The following PTCHD4 variants were observed in gnomAD, a reference collection of about 807,000 sequenced individuals.
The protein encoded by PTCHD4 is patched domain-containing protein 4.
In PTCHD4, 33 loss-of-function variants were observed where a neutral mutation model predicts 58.1. The observed-to-expected ratio is 0.57, with a 90% CI of 0.43 to 0.76. PTCHD4 has a LOEUF of 0.76. Ranked by LOEUF, PTCHD4 falls within the 30% of genes least tolerant of loss-of-function variation. The pLI is 0.00. For synonymous variants in PTCHD4, 478 were observed against 409.6 expected (o/e 1.17, Z -2.02); for missense variants, 1,058 against 1,027.1 (o/e 1.03, Z -0.41).
At chr6:47,925,379 A>T (rs958487252) in intron 4 of PTCHD4, among the ~76,000 whole-genome samples, 4 of 152,190 alleles carry the variant, frequency 2.6e-5, no homozygotes, top group Non-Finnish European at 5.9e-5. Flanking sequence ...GTTTATGAAT[A>T]TATGGCATTT....
intron 4 of PTCHD4, among the ~76,000 whole-genome samples, chr6:47,914,755 TC>T (rs1194529770): frequency 7.4e-4 from 109 of 147,446 alleles, no homozygotes; most frequent in African/African-American, 2.8e-3. Context: ...TATCTATCTA[TC>T]TATCTATCTA....
At chr6:47,961,591 G>T (rs918383336) in intron 4 of PTCHD4, among the ~76,000 whole-genome samples, 2 of 152,002 alleles carry the variant, frequency 1.3e-5, no homozygotes, top group Admixed American at 1.3e-4. Context: ...ACCTTGCCTG[G>T]CTAACAAAGT....
At chr6:47,931,365 T>G (rs1225031232) in intron 4 of PTCHD4, among the ~76,000 whole-genome samples, 2 of 152,214 alleles carry the variant, frequency 1.3e-5, no homozygotes, top group Non-Finnish European at 2.9e-5. Flanking sequence ...ACTTGGCACT[T>G]TTTTTGGGAC....
At position 47,867,465 on chromosome 6, in the gene PTCHD4, A is replaced by G. The variant is rs939903538; in HGVS notation, c.*10838T>C. Among the ~76,000 whole-genome samples the G allele has an allele frequency of 6.6e-6, 1 of 151,828 alleles. No individual in the cohort carries two copies. Among genetic ancestry groups the G allele is most frequent in the Non-Finnish European group, 1.5e-5 (1 of 67,846 alleles). On this transcript the variant is annotated 3_prime_UTR_variant, in exon 5 of 5. Transcript: ENST00000339488. ...ATTCACTGCATTTAAGCCCAAGGATACATCATAAAAAGAGCTTTTTCTTTA... is the reference window on the plus strand; with the variant it reads ...ATTCACTGCATTTAAGCCCAAGGATGCATCATAAAAAGAGCTTTTTCTTTA...
intron 4 of PTCHD4, among the ~76,000 whole-genome samples, chr6:48,001,202 A>G (rs1161095279): frequency 6.6e-6 from 1 of 152,228 alleles, no homozygotes; most frequent in Non-Finnish European, 1.5e-5. Flanking sequence ...TATAGATTCA[A>G]TGCCATCCCC....
At chr6:48,086,761 G>C (rs1310651250) in intron 1 of PTCHD4, among the ~76,000 whole-genome samples, 3 of 152,124 alleles carry the variant, frequency 2.0e-5, no homozygotes, top group African/African-American at 7.2e-5. Flanking sequence ...AAGTGAGTAT[G>C]TGTATCAAGG....
At chr6:48,029,306 A>T (rs745508581) in intron 3 of PTCHD4, among the ~76,000 whole-genome samples, 8 of 152,022 alleles carry the variant, frequency 5.3e-5, no homozygotes, top group Non-Finnish European at 7.4e-5. Context: ...TTTATAAAAA[A>T]CTCTGACATA....
At chr6:48,098,348 T>TCTTCTTCTTCTTCTTC (rs1765521724) in intron 1 of PTCHD4, among the ~76,000 whole-genome samples, 1 of 110,328 alleles carries the variant, frequency 9.1e-6, no homozygotes, top group South Asian at 2.8e-4. Flanking sequence ...TCTTCTTTTT[T>TCTTCTTCTTCTTCTTC]TTTTTTTTGA....
intron 1 of PTCHD4, among the ~76,000 whole-genome samples, chr6:48,103,149 T>C (rs531402711): frequency 2.6e-5 from 4 of 152,162 alleles, no homozygotes; most frequent in African/African-American, 9.7e-5. Context: ...ATGAGCAGAG[T>C]GCCTCCTCAA....
At chr6:47,985,388 C>G (rs564273440) in intron 4 of PTCHD4, among the ~76,000 whole-genome samples, 18 of 152,100 alleles carry the variant, frequency 1.2e-4, no homozygotes, top group African/African-American at 4.1e-4. Flanking sequence ...CTAATATTTT[C>G]AGATGGTAAT....
intron 4 of PTCHD4, among the ~76,000 whole-genome samples, chr6:47,993,219 C>A (rs776967875): frequency 6.6e-6 from 1 of 152,120 alleles, no homozygotes; most frequent in Non-Finnish European, 1.5e-5. Flanking sequence ...GTCACCAATG[C>A]AATAATTTTT....
rs1467800584 is a variant in PTCHD4 at position 48,068,701 on chromosome 6, C to T, written c.6-60G>A. ...GCTACCCCGTTCTCCCCCATCCCAC[C>T]CCCTGGGGCCAGTCCCCCCTCCCCA... On this transcript the variant is annotated intron_variant, in intron 2 of 4. Coordinates refer to ENST00000339488, the MANE Select transcript of PTCHD4 (RefSeq NM_001384253.1). This position sits in a 1 kb window ranked among gnomAD's most constrained non-coding sequence, Gnocchi z 4.2. The T allele has an allele frequency of 1.4e-6, 2 of 1,456,660 alleles. No homozygotes were observed. The highest frequency in any genetic ancestry group is 1.8e-6 in the Non-Finnish European group (2 of 1,098,400). The allele number at this position is 1,456,660 out of a possible 1,614,324, so 90.2% of individuals were successfully genotyped here. A position where few individuals can be genotyped will look rare whatever the true frequency, so the allele number is the denominator to read the frequency against.
chr6:47,929,064 T>C (rs961474290), intron 4 of PTCHD4, among the ~76,000 whole-genome samples: 1 of 152,156 alleles, frequency 6.6e-6, no homozygotes, highest in Admixed American at 6.6e-5. Context: ...GAGGCTATTA[T>C]TATAAAAATC....
chr6:48,033,977 C>T (rs909665522), intron 3 of PTCHD4, among the ~76,000 whole-genome samples: 17 of 152,168 alleles, frequency 1.1e-4, no homozygotes, highest in African/African-American at 4.1e-4. Context: ...ATGCTGTTTG[C>T]TTCTCATGAG....
intron 4 of PTCHD4, among the ~76,000 whole-genome samples, chr6:47,945,707 T>C (rs953001291): frequency 1.3e-5 from 2 of 151,930 alleles, no homozygotes; most frequent in African/African-American, 4.8e-5. Context: ...GGCTCAATTT[T>C]GGAAAAGTGG....
chr6:48,019,695 C>T (rs1390776181), intron 3 of PTCHD4, among the ~76,000 whole-genome samples: 1 of 151,012 alleles, frequency 6.6e-6, no homozygotes, highest in Non-Finnish European at 1.5e-5. Context: ...GAGATGGCAC[C>T]ACTGCACTCC....
chr6:47,885,357 G>C (rs1316126148), intron 4 of PTCHD4, among the ~76,000 whole-genome samples: 1 of 152,032 alleles, frequency 6.6e-6, no homozygotes, highest in Non-Finnish European at 1.5e-5. Flanking sequence ...TAGAAGCATG[G>C]TGTAACAATA....
rs150079981 is a variant in PTCHD4, at chr6:47,890,737, T to A, written c.899-10801A>T. Among the ~76,000 whole-genome samples, 411 of 152,274 alleles carry A rather than the reference T, an allele frequency of 2.7e-3. 3 individuals are homozygous for A. Among genetic ancestry groups the A allele is most frequent in the African/African-American group, 8.0e-3 (331 of 41,548 alleles). On this transcript the variant is annotated intron_variant, in intron 4 of 4. Coordinates refer to ENST00000339488, the MANE Select transcript of PTCHD4 (RefSeq NM_001384253.1). Reference sequence around the variant, plus strand: ...GTAAGGGGGGGGATTCCCGGAGCTCTCTTTTCAGCTTTCCTTGCTGCAGGG... The same window carrying A: ...GTAAGGGGGGGGATTCCCGGAGCTCACTTTTCAGCTTTCCTTGCTGCAGGG...
chr6:47,885,016 T>C (rs7756106), intron 4 of PTCHD4, among the ~76,000 whole-genome samples: 99,741 of 152,108 alleles, frequency 0.66, 33,381 homozygotes, highest in East Asian at 0.77. Flanking sequence ...GTCCACAGTA[T>C]ATTTTTGATT....
Sources: allele counts gnomAD v4.1 joint callset (sites outside exome capture counted in the v4.1 genomes callset), GRCh38; gene constraint gnomAD v4.1.1; non-coding constraint Gnocchi (gnomAD v3.1); transcripts MANE v1.5; gene names NCBI Gene and HGNC (gene_info 2026-07-23, HGNC 2026-07-21).